The following CNTN6 variants were observed in gnomAD, a reference collection of about 807,000 sequenced individuals.
CNTN6 encodes contactin-6.
CNTN6 carries 137 observed loss-of-function variants against 122.8 expected under a neutral mutation model. The observed-to-expected ratio is 1.12, with a 90% CI of 0.97 to 1.29. The LOEUF (loss-of-function observed/expected upper bound fraction) is 1.29, where lower values mean the gene tolerates loss of function less well. CNTN6 is among the 50% of genes most tolerant of loss of function. The pLI is 0.00. For synonymous variants in CNTN6, 570 were observed against 426.0 expected, an observed-to-expected ratio of 1.34 and a Z score of -4.16; for missense variants, 1,634 against 1,223.4, an observed-to-expected ratio of 1.34 and a Z score of -5.01.
At chr3:1,334,515 A>G (rs1056550106) in intron 11 of CNTN6, among the ~76,000 whole-genome samples, 1 of 152,130 alleles carries the variant, frequency 6.6e-6, no homozygotes, top group African/African-American at 2.4e-5. Flanking sequence ...AAATCAATAG[A>G]GAACCTTAGC....
intron 3 of CNTN6, among the ~76,000 whole-genome samples, chr3:1,223,211 C>A (rs1371269910): frequency 6.6e-6 from 1 of 152,150 alleles, no homozygotes. Flanking sequence ...TGTAAAGCAA[C>A]ATAAAAGAAT....
chr3:1,218,515 A>G (rs531741746), intron 2 of CNTN6, among the ~76,000 whole-genome samples: 1 of 152,148 alleles, frequency 6.6e-6, no homozygotes, highest in Admixed American at 6.5e-5. Context: ...CAGGGCAGGT[A>G]TAGGAGTAAA....
chr3:1,182,475 T>C (rs2093569067), intron 2 of CNTN6, among the ~76,000 whole-genome samples: 1 of 152,182 alleles, frequency 6.6e-6, no homozygotes, highest in Non-Finnish European at 1.5e-5. Flanking sequence ...AAAATGGTAG[T>C]ATCATCCTAG....
At chr3:1,105,225 A>G (rs2091160634) in intron 1 of CNTN6, among the ~76,000 whole-genome samples, 1 of 152,108 alleles carries the variant, frequency 6.6e-6, no homozygotes, top group African/African-American at 2.4e-5. Flanking sequence ...AAACAAATAC[A>G]CAGATAACAG....
At chr3:1,386,224 G>A (rs1302078204) in intron 20 of CNTN6, among the ~76,000 whole-genome samples, 8 of 152,032 alleles carry the variant, frequency 5.3e-5, no homozygotes, top group Non-Finnish European at 8.8e-5. Context: ...TTAATAATAA[G>A]TGTCCAGTAC....
chr3:1,387,842 C>T (rs562231638), intron 20 of CNTN6, among the ~76,000 whole-genome samples: 26 of 151,908 alleles, frequency 1.7e-4, no homozygotes, highest in Admixed American at 4.6e-4. Context: ...CCGAATATTG[C>T]GCTTTTCGGA....
At chr3:1,317,700 C>A (rs1700286790) in intron 7 of CNTN6, among the ~76,000 whole-genome samples, 1 of 151,624 alleles carries the variant, frequency 6.6e-6, no homozygotes, top group Non-Finnish European at 1.5e-5. Flanking sequence ...AGTCCTGGAA[C>A]TGAATCTAAT....
At chr3:1,252,946 G>C (rs1374389484) in intron 4 of CNTN6, among the ~76,000 whole-genome samples, 1 of 152,186 alleles carries the variant, frequency 6.6e-6, no homozygotes, top group Non-Finnish European at 1.5e-5. Flanking sequence ...CCTATTGAAA[G>C]AAGGTATAGC....
chr3:1,245,280 C>T (rs1391583222), intron 4 of CNTN6, among the ~76,000 whole-genome samples: 1,206 of 4,824 alleles, frequency 0.25, 259 homozygotes, highest in Non-Finnish European at 0.28. Flanking sequence ...TATATACACA[C>T]ACATATATAT....
chr3:1,127,563 T>C (rs981027247), intron 1 of CNTN6, among the ~76,000 whole-genome samples: 1 of 151,880 alleles, frequency 6.6e-6, no homozygotes, highest in Non-Finnish European at 1.5e-5. Flanking sequence ...CACTAGCCAA[T>C]AATTTGATTC....
chr3:1,152,761 G>A (rs1248902375), intron 2 of CNTN6, among the ~76,000 whole-genome samples: 1 of 152,162 alleles, frequency 6.6e-6, no homozygotes. Flanking sequence ...GATGATAATA[G>A]GTTGAATCGT....
chr3:1,275,393 A>G (rs1398853264), intron 4 of CNTN6, among the ~76,000 whole-genome samples: 1 of 152,178 alleles, frequency 6.6e-6, no homozygotes, highest in African/African-American at 2.4e-5. Context: ...AAGATCACAT[A>G]TGACCAACAT....
intron 2 of CNTN6, among the ~76,000 whole-genome samples, chr3:1,184,594 T>G (rs953209445): frequency 2.6e-5 from 4 of 152,192 alleles, no homozygotes; most frequent in African/African-American, 9.6e-5. Flanking sequence ...CAAAAATTTA[T>G]ATAAAAATAC....
At position 1,281,138 on chromosome 3, in the gene CNTN6, G is replaced by A. The variant is rs117997447; in HGVS notation, c.454+2630G>A. On this transcript the variant is annotated intron_variant, in intron 5 of 22. Coordinates refer to ENST00000446702, the MANE Select transcript of CNTN6 (RefSeq NM_001289080.2). Reference sequence around the variant, plus strand: ...ATGATCTCTCATCCTGCTACAAGTCGCACTCACACTCAGATGAAGAGAATT... The same window carrying A: ...ATGATCTCTCATCCTGCTACAAGTCACACTCACACTCAGATGAAGAGAATT... 9.5e-4 allele frequency among the ~76,000 whole-genome samples: 144 copies of A among 152,188 alleles called. 2 individuals carry two copies. The East Asian group carries it at 0.022, about 23-fold the overall frequency.
intron 11 of CNTN6, among the ~76,000 whole-genome samples, chr3:1,343,651 T>A (rs1000611865): frequency 6.6e-6 from 1 of 152,108 alleles, no homozygotes; most frequent in African/African-American, 2.4e-5. Flanking sequence ...TCTTGGAGAA[T>A]ATAAACAAAT....
chr3:1,267,062 C>T (rs1246598864), intron 4 of CNTN6, among the ~76,000 whole-genome samples: 1 of 150,384 alleles, frequency 6.6e-6, no homozygotes, highest in African/African-American at 2.5e-5. Flanking sequence ...ACTACAGGCA[C>T]ACACTGCCAC....
At chr3:1,339,097 A>T (rs2126030609) in intron 11 of CNTN6, among the ~76,000 whole-genome samples, 1 of 152,092 alleles carries the variant, frequency 6.6e-6, no homozygotes, top group Middle Eastern at 3.4e-3. Context: ...AGAATTTTTC[A>T]ATTTTTTCTT....
intron 5 of CNTN6, among the ~76,000 whole-genome samples, chr3:1,291,317 C>T (rs1695280960): frequency 6.6e-6 from 1 of 152,128 alleles, no homozygotes; most frequent in Admixed American, 6.6e-5. Flanking sequence ...TAAAGAAGGA[C>T]ACACCACATG....
chr3:1,155,798 C>T (rs920586864), intron 2 of CNTN6, among the ~76,000 whole-genome samples: 2 of 152,142 alleles, frequency 1.3e-5, no homozygotes, highest in East Asian at 1.9e-4. Flanking sequence ...TGCCTCTCCC[C>T]CCAAGACATT....
Sources: gnomAD v4.1 joint callset for allele counts (sites outside exome capture counted in the v4.1 genomes callset) on GRCh38, gnomAD v4.1.1 for gene constraint, MANE v1.5 for transcripts, NCBI Gene and HGNC (gene_info 2026-07-23, HGNC 2026-07-21) for gene names.